The following ANO4 variants were observed in gnomAD, a reference collection of about 807,000 sequenced individuals.
The protein encoded by ANO4 is anoctamin-4.
A neutral mutation model predicts 141.9 loss-of-function variants in ANO4; 69 were observed. The observed-to-expected ratio is 0.49, with a 90% confidence interval of 0.40 to 0.59. The LOEUF (loss-of-function observed/expected upper bound fraction) is 0.59, where lower values mean the gene tolerates loss of function less well. Among genes scored for constraint, ANO4 ranks in the 20% least tolerant of loss-of-function variants. The probability of loss-of-function intolerance (pLI) is 0.00; values close to 1 mark genes in which losing one functional copy is unlikely to be tolerated. For missense variants in ANO4, 894 were observed against 1,162.2 expected (o/e 0.77, Z 3.36); for synonymous variants, 350 against 394.3 (o/e 0.89, Z 1.33).
intron 3 of ANO4, among the ~76,000 whole-genome samples, chr12:100,930,869 G>A (rs1307123485): frequency 1.3e-5 from 2 of 152,080 alleles, no homozygotes; most frequent in African/African-American, 2.4e-5. Flanking sequence ...GGTATAGGTA[G>A]GGGTAGAAGG....
chr12:100,953,722 A>G (rs2043067611), intron 5 of ANO4, among the ~76,000 whole-genome samples: 1 of 152,228 alleles, frequency 6.6e-6, no homozygotes, highest in African/African-American at 2.4e-5. Context: ...CTCTATGATA[A>G]TGGGTGAACT....
intron 8 of ANO4, among the ~76,000 whole-genome samples, chr12:101,013,441 G>T (rs907295430): frequency 6.6e-6 from 1 of 152,094 alleles, no homozygotes; most frequent in Non-Finnish European, 1.5e-5. Flanking sequence ...CTTGAACCAG[G>T]TCTTCTGGCA....
At chr12:100,787,405 T>A (rs1352568833) in intron 3 of ANO4, among the ~76,000 whole-genome samples, 2 of 152,022 alleles carry the variant, frequency 1.3e-5, no homozygotes, top group Non-Finnish European at 2.9e-5. Context: ...AGGATGTAAG[T>A]GAATGAGAGG....
intron 9 of ANO4, among the ~76,000 whole-genome samples, chr12:101,034,357 A>T (rs2047107483): frequency 6.6e-6 from 1 of 152,248 alleles, no homozygotes; most frequent in Non-Finnish European, 1.5e-5. Context: ...ATGAAGCTGG[A>T]TACCATCATC....
At chr12:100,988,588 C>T (rs867505751) in intron 8 of ANO4, among the ~76,000 whole-genome samples, 3 of 148,684 alleles carry the variant, frequency 2.0e-5, no homozygotes, top group African/African-American at 2.5e-5. Context: ...AGAAAGTAAA[C>T]CAGGCTGAGT....
intron 3 of ANO4, among the ~76,000 whole-genome samples, chr12:100,932,528 A>C (rs527548810): frequency 6.6e-6 from 1 of 152,302 alleles, no homozygotes; most frequent in East Asian, 1.9e-4. Context: ...CATTTATTTG[A>C]GTCCTTGAAA....
rs935081115 is a variant in ANO4, at chr12:100,942,553, A to G, written c.456+18A>G. 1 of 1,608,194 alleles carries G rather than the reference A, an allele frequency of 6.2e-7. No individual in the cohort carries two copies. Among genetic ancestry groups the G allele is most frequent in the Non-Finnish European group, 8.5e-7 (1 of 1,178,166 alleles). On this transcript the variant is annotated intron_variant, in intron 5 of 27. Coordinates refer to ENST00000392977, the MANE Select transcript of ANO4 (RefSeq NM_001286615.2). ...AGAAAGAGGTAAATAGTTTGCTTGG[A>G]TGAGAAAAAAATATATACATATCTA...
intron 5 of ANO4, among the ~76,000 whole-genome samples, chr12:100,942,953 A>T (rs1257854270): frequency 6.6e-6 from 1 of 152,192 alleles, no homozygotes; most frequent in Non-Finnish European, 1.5e-5. Flanking sequence ...CTCGTACACC[A>T]GAGGAGACTG....
chr12:100,983,882 CAT>C (rs2044593407), intron 7 of ANO4, among the ~76,000 whole-genome samples: 1 of 152,154 alleles, frequency 6.6e-6, no homozygotes, highest in Admixed American at 6.5e-5. Flanking sequence ...CTGGTGTGTA[CAT>C]CTTTGTGGGG....
chr12:100,908,912 T>G (rs1502453), intron 2 of ANO4, among the ~76,000 whole-genome samples: 1 of 152,212 alleles, frequency 6.6e-6, no homozygotes, highest in East Asian at 1.9e-4. Context: ...GTTTACAAAC[T>G]TTTATGAGGG....
At chr12:101,037,009 CA>C in intron 9 of ANO4, 85 bp from the exon 10 acceptor site, 2 of 1,373,730 alleles carry the variant, frequency 1.5e-6, no homozygotes, top group Non-Finnish European at 1.0e-6. Flanking sequence ...TTGTTTCCTC[CA>C]AAAAGCACCA....
In ANO4 at chr12:101,039,804, A is replaced by G. The variant is rs140314792; in HGVS notation, c.898-151A>G. The G allele has an allele frequency of 3.3e-4, 262 of 791,694 alleles. 2 individuals carry two copies. In the East Asian group the frequency reaches 5.2e-3, roughly 16 times the overall value. The allele number at this position is 791,694 out of a possible 1,614,324, so 49.0% of individuals were successfully genotyped here. The stretch of plus-strand genomic sequence containing the variant: ...AGCAAGACAATGTCCAGAATAACTC[A>G]TCAAACTGCCTGCCCTTTAATAGAG... On this transcript the variant is annotated intron_variant, in intron 10 of 27. Transcript: ENST00000392977.
intron 1 of ANO4, among the ~76,000 whole-genome samples, chr12:100,730,998 C>T (rs557064554): frequency 2.6e-5 from 4 of 152,242 alleles, no homozygotes; most frequent in Middle Eastern, 3.4e-3. Context: ...AAAGATGACT[C>T]CTATTTCCTG....
intron 14 of ANO4, among the ~76,000 whole-genome samples, chr12:101,054,523 G>T (rs760672829): frequency 6.6e-6 from 1 of 151,872 alleles, no homozygotes. Flanking sequence ...TTTTTGAGAC[G>T]GAGTCTCGCT....
At chr12:100,923,981 GTTGT>G (rs1240106582) in intron 3 of ANO4, among the ~76,000 whole-genome samples, 5 of 151,980 alleles carry the variant, frequency 3.3e-5, no homozygotes, top group Admixed American at 6.6e-5. Flanking sequence ...TTTTGATGGG[GTTGT>G]TTGTTTTTTT....
chr12:101,019,407 T>A (rs146911976), intron 8 of ANO4, among the ~76,000 whole-genome samples: 4 of 151,988 alleles, frequency 2.6e-5, no homozygotes, highest in Admixed American at 2.6e-4. Flanking sequence ...CACACATACC[T>A]GCACATGCAC....
At chr12:101,101,864 C>A (rs894468701) in intron 22 of ANO4, among the ~76,000 whole-genome samples, 3 of 152,032 alleles carry the variant, frequency 2.0e-5, no homozygotes, top group Non-Finnish European at 4.4e-5. Context: ...AGGTGGATCA[C>A]CTGAGGTCAC....
Position 100,873,562 on chromosome 12 carries a change from G to C in ANO4, c.-140-28084G>C, listed in dbSNP as rs140585813. Reference sequence around the variant, plus strand: ...TAAGAGTGGTGATTTAGGGTTTCTGGTTAAAGAAATGTCTAAGCAGCAAAA... The same window carrying C: ...TAAGAGTGGTGATTTAGGGTTTCTGCTTAAAGAAATGTCTAAGCAGCAAAA... On this transcript the variant is annotated intron_variant, in intron 1 of 27. Coordinates refer to ENST00000392977, the MANE Select transcript of ANO4 (RefSeq NM_001286615.2). Among the ~76,000 whole-genome samples, 366 of 152,246 alleles carry C rather than the reference G, an allele frequency of 2.4e-3. 2 individuals are homozygous for C. Among genetic ancestry groups the C allele is most frequent in the East Asian group, 0.018 (95 of 5,182 alleles).
chr12:100,981,474 G>C (rs1304882315), intron 7 of ANO4, among the ~76,000 whole-genome samples: 1 of 151,882 alleles, frequency 6.6e-6, no homozygotes, highest in Non-Finnish European at 1.5e-5. Flanking sequence ...AAGGAAGGGA[G>C]GGAGGGAGGA....
Sources: gnomAD v4.1 joint callset for allele counts (sites outside exome capture counted in the v4.1 genomes callset) on GRCh38, gnomAD v4.1.1 for gene constraint, MANE v1.5 for transcripts, NCBI Gene and HGNC (gene_info 2026-07-23, HGNC 2026-07-21) for gene names.